TMC5: variants seen among roughly 807,000 people sequenced by gnomAD.
TMC5 encodes the protein transmembrane channel-like protein 5.
TMC5 carries 86 observed loss-of-function variants against 110.5 expected under a neutral mutation model. The ratio of observed to expected loss-of-function variants is 0.78; its 90% CI spans 0.65 to 0.93. The LOEUF (loss-of-function observed/expected upper bound fraction) is 0.93, where lower values mean the gene tolerates loss of function less well. TMC5 is among the 40% of genes least tolerant of loss of function. The probability of loss-of-function intolerance (pLI) is 0.00; values close to 1 mark genes in which losing one functional copy is unlikely to be tolerated. For synonymous variants in TMC5, 455 were observed against 439.5 expected (o/e 1.04, Z -0.44); for missense variants, 1,144 against 1,222.8 (o/e 0.94, Z 0.96).
intron 18 of TMC5, among the ~76,000 whole-genome samples, chr16:19,491,856 T>A (rs988380337): frequency 2.0e-5 from 3 of 147,902 alleles, no homozygotes; most frequent in Non-Finnish European, 4.5e-5. Flanking sequence ...ACTTTTTTTT[T>A]AACTTATTCT....
At chr16:19,446,120 AAGGAAGGAAGGG>A (rs1456230252) in intron 4 of TMC5, among the ~76,000 whole-genome samples, 6 of 150,016 alleles carry the variant, frequency 4.0e-5, no homozygotes, top group Non-Finnish European at 8.9e-5. Flanking sequence ...AGAGGGAAGG[AAGGAAGGAAGGG>A]AGGAAGGAAG....
chr16:19,494,264 G>A lies in TMC5; in HGVS notation c.2829G>A (p.Glu943=). ...IRLLHEQIIN[E]GKDKMFLIEK... is the part of the protein sequence containing the mutation. Reference sequence around the variant, plus strand: ...GGTTTTGTTTTCCTTCTTGGTAGGAGGGCAAAGATAAAATGTTCCTGATAG... The same window carrying A: ...GGTTTTGTTTTCCTTCTTGGTAGGAAGGCAAAGATAAAATGTTCCTGATAG... The change falls in exon 20 of 22, where the codon GAG becomes GAA. Residue 943 remains glutamate (E), a splice_region_variant and synonymous_variant. Transcript: ENST00000542583. The A allele has an allele frequency of 6.2e-7, 1 of 1,609,886 alleles. No individual in the cohort carries two copies. Among genetic ancestry groups the A allele is most frequent in the Non-Finnish European group, 8.5e-7 (1 of 1,177,856 alleles).
intron 15 of TMC5, among the ~76,000 whole-genome samples, chr16:19,486,195 A>G (rs956771612): frequency 6.6e-6 from 1 of 152,084 alleles, no homozygotes; most frequent in African/African-American, 2.4e-5. Context: ...AAACAACATC[A>G]ATTTCATATC....
In TMC5 at chr16:19,492,179, C is replaced by T; in HGVS notation, c.2777C>T (p.Thr926Ile). The T allele has an allele frequency of 6.2e-7, 1 of 1,613,566 alleles. No homozygotes were observed. Among genetic ancestry groups the T allele is most frequent in the South Asian group, 1.1e-5 (1 of 91,062 alleles). ...ATCACCTATCTTTACTGGCAGATCA[C>T]AGAGGGAAGGAAGATTATGATAAGG... ...LIITYLYWQI[T>I]EGRKIMIRLL... Residue 926 changes from threonine (T) to isoleucine (I), a missense_variant, in exon 19 of 22, where the codon ACA becomes ATA. Coordinates refer to ENST00000542583, the MANE Select transcript of TMC5 (RefSeq NM_001261841.2).
At chr16:19,446,055 GGGAGT>G (rs1476292817) in intron 4 of TMC5, among the ~76,000 whole-genome samples, 2 of 147,956 alleles carry the variant, frequency 1.4e-5, no homozygotes, top group Non-Finnish European at 3.0e-5. Context: ...AGGAAAGGAA[GGGAGT>G]GGAGGGGAGG....
chr16:19,465,952 T>C (rs1968177374), intron 8 of TMC5, 130 bp from the exon 9 acceptor site: 11 of 958,182 alleles, frequency 1.1e-5, no homozygotes, highest in Non-Finnish European at 1.6e-5. Context: ...GCCCCTTTCC[T>C]GGAAAACAAA....
intron 4 of TMC5, among the ~76,000 whole-genome samples, chr16:19,444,884 C>T (rs1019703667): frequency 1.3e-5 from 2 of 152,194 alleles, no homozygotes; most frequent in Non-Finnish European, 2.9e-5. Flanking sequence ...GTAATCCCAG[C>T]ACTTGGGAGG....
intron 19 of TMC5, among the ~76,000 whole-genome samples, chr16:19,492,637 G>C (rs918943178): frequency 4.0e-5 from 6 of 151,794 alleles, no homozygotes; most frequent in Non-Finnish European, 5.9e-5. Flanking sequence ...GTGGAGACAG[G>C]GTTTCACCAT....
At chr16:19,456,283 CATATATATAT>C (rs1967870360) in intron 5 of TMC5, among the ~76,000 whole-genome samples, 1 of 149,298 alleles carries the variant, frequency 6.7e-6, no homozygotes, top group Admixed American at 6.7e-5. Context: ...ATATTTAGAA[CATATATATAT>C]GTATATATAT....
At chr16:19,435,316 C>A (rs1967318287) in intron 2 of TMC5, among the ~76,000 whole-genome samples, 1 of 134,974 alleles carries the variant, frequency 7.4e-6, no homozygotes, top group South Asian at 2.6e-4. Context: ...ATGGTGAAAC[C>A]CCATCTCTAC....
intron 5 of TMC5, among the ~76,000 whole-genome samples, chr16:19,458,781 G>C (rs983699779): frequency 1.3e-5 from 2 of 152,240 alleles, no homozygotes; most frequent in South Asian, 2.1e-4. Context: ...TCAGCAGAGA[G>C]ATTTGGTGGT....
intron 5 of TMC5, among the ~76,000 whole-genome samples, chr16:19,452,591 C>T (rs1967775013): frequency 6.6e-6 from 1 of 152,150 alleles, no homozygotes; most frequent in South Asian, 2.1e-4. Flanking sequence ...GTGGCATGTG[C>T]CTGTAGTCCC....
chr16:19,422,756 G>A (rs1175977689), intron 1 of TMC5, among the ~76,000 whole-genome samples: 1 of 152,052 alleles, frequency 6.6e-6, no homozygotes, highest in Non-Finnish European at 1.5e-5. Flanking sequence ...GTCAGGCCTG[G>A]CCAACATGGT....
chr16:19,466,030 T>C, intron 8 of TMC5, 52 bp from the exon 9 acceptor site: 1 of 1,599,414 alleles, frequency 6.3e-7, no homozygotes, highest in Non-Finnish European at 8.5e-7. Context: ...CATAATCGTT[T>C]ACCTTTTTTT....
At chr16:19,422,296 G>A (rs1967002417) in intron 1 of TMC5, among the ~76,000 whole-genome samples, 2 of 151,896 alleles carry the variant, frequency 1.3e-5, no homozygotes, top group Admixed American at 1.3e-4. Context: ...TTAAAGGGGG[G>A]GAAAAGAGAG....
Position 19,473,345 on chromosome 16 carries a change from C to CAAAAAAAAAAAAAAAAA in TMC5, c.1939-760_1939-744dup, listed in dbSNP as rs35872301. 4.4e-4 allele frequency among the ~76,000 whole-genome samples: 9 copies of CAAAAAAAAAAAAAAAAA among 20,240 alleles called. 1 individual carries two copies. Among genetic ancestry groups the CAAAAAAAAAAAAAAAAA allele is most frequent in the African/African-American group, 9.0e-4 (9 of 10,048 alleles). 13.3% of individuals were successfully genotyped at this position (20,240 alleles called of 152,430 possible). On this transcript the variant is annotated intron_variant, in intron 11 of 21. Transcript: ENST00000542583. ...TGGGCAACAGAGCGAGACTCCGGCT[C>CAAAAAAAAAAAAAAAAA]AAAAAAAAAAAAAAAAAAAAAAAAA...
At chr16:19,444,929 G>A (rs1262701874) in intron 4 of TMC5, among the ~76,000 whole-genome samples, 2 of 152,154 alleles carry the variant, frequency 1.3e-5, no homozygotes, top group Non-Finnish European at 2.9e-5. Flanking sequence ...TCAGGAGTTC[G>A]AGACCAGCCT....
intron 10 of TMC5, among the ~76,000 whole-genome samples, chr16:19,471,756 GTTTA>G (rs1300075004): frequency 1.3e-5 from 2 of 151,874 alleles, no homozygotes; most frequent in African/African-American, 2.4e-5. Context: ...TTATTTATTT[GTTTA>G]TTTATTTATT....
upstream of TMC5, among the ~76,000 whole-genome samples, chr16:19,417,426 A>AG (rs1966886172): frequency 1.3e-5 from 2 of 151,426 alleles, no homozygotes; most frequent in African/African-American, 4.8e-5. Flanking sequence ...CTCAAAAAAA[A>AG]AAAAAAAAAA....
Sources: allele counts gnomAD v4.1 joint callset (sites outside exome capture counted in the v4.1 genomes callset), GRCh38; gene constraint gnomAD v4.1.1; transcripts MANE v1.5; gene names NCBI Gene and HGNC (gene_info 2026-07-23, HGNC 2026-07-21).